Variants in AKAP6 observed in about 807,000 individuals in gnomAD.
The protein encoded by AKAP6 is A-kinase anchor protein 6.
Under a neutral mutation model 188.5 loss-of-function variants are expected in AKAP6, and 58 were observed. The observed-to-expected ratio is 0.31, with a 90% CI of 0.25 to 0.38. The LOEUF (loss-of-function observed/expected upper bound fraction) is 0.38. AKAP6 is among the 10% of genes least tolerant of loss of function. The probability of loss-of-function intolerance (pLI) is 1.00; values close to 1 mark genes in which losing one functional copy is unlikely to be tolerated. For missense variants in AKAP6, 2,710 were observed against 2,740.0 expected (o/e 0.99, Z 0.24); for synonymous variants, 989 against 998.6 (o/e 0.99, Z 0.18).
Position 32,678,303 on chromosome 14 carries a change from C to A in AKAP6, c.2731-8C>A. ...AAAACAGCAATTTCTCTTTGTTTCT[C>A]TTTCCAGGCTGAGGTTCAACTATGC... is the stretch of plus-strand genomic sequence containing the variant. On this transcript the variant is annotated splice_polypyrimidine_tract_variant and splice_region_variant and intron_variant, in intron 7 of 13. Coordinates refer to ENST00000280979, the MANE Select transcript of AKAP6 (RefSeq NM_004274.5). 6.2e-7 allele frequency: 1 copy of A among 1,603,752 alleles called. No individual in the cohort carries two copies. The highest frequency in any genetic ancestry group is 2.2e-5 in the East Asian group (1 of 44,468).
At chr14:32,442,221 T>C (rs890675640) in intron 2 of AKAP6, 2 of 152,220 alleles carry the variant, frequency 1.3e-5, no homozygotes, top group East Asian at 1.9e-4. Flanking sequence ...GTGATCAACT[T>C]GGGAGTCAAA....
At chr14:32,554,398 T>G (rs1006190234) in intron 4 of AKAP6, among the ~76,000 whole-genome samples, 1 of 152,212 alleles carries the variant, frequency 6.6e-6, no homozygotes, top group Non-Finnish European at 1.5e-5. Context: ...TTCATTTAAT[T>G]TATATAACAA....
At chr14:32,613,165 C>T (rs971139720) in intron 7 of AKAP6, among the ~76,000 whole-genome samples, 1 of 152,172 alleles carries the variant, frequency 6.6e-6, no homozygotes, top group African/African-American at 2.4e-5. Context: ...GGAACACAGT[C>T]TCTCTGTTTT....
intron 1 of AKAP6, among the ~76,000 whole-genome samples, chr14:32,372,767 GCTCTGT>G (rs1308999321): frequency 1.6e-5 from 1 of 63,396 alleles, no homozygotes; most frequent in Non-Finnish European, 3.0e-5. Flanking sequence ...TCTTTTTGTT[GCTCTGT>G]GTGTGTGTGT....
chr14:32,504,833 A>G (rs1368950374), intron 2 of AKAP6, among the ~76,000 whole-genome samples: 1 of 152,172 alleles, frequency 6.6e-6, no homozygotes, highest in Non-Finnish European at 1.5e-5. Flanking sequence ...TTACATACCC[A>G]TTAGGGTAGG....
chr14:32,825,827 T>C (rs2034660008), intron 13 of AKAP6, among the ~76,000 whole-genome samples: 1 of 152,130 alleles, frequency 6.6e-6, no homozygotes, highest in Non-Finnish European at 1.5e-5. Context: ...GGAAATGAAT[T>C]ACAGAAGCAA....
At chr14:32,343,842 T>G (rs1246314936) in intron 1 of AKAP6, among the ~76,000 whole-genome samples, 1 of 151,628 alleles carries the variant, frequency 6.6e-6, no homozygotes, top group Non-Finnish European at 1.5e-5. Context: ...TGGCCCATGC[T>G]TCACACCCCA....
chr14:32,740,941 G>C (rs1254289886), intron 11 of AKAP6, among the ~76,000 whole-genome samples: 1 of 151,228 alleles, frequency 6.6e-6, no homozygotes, highest in Non-Finnish European at 1.5e-5. Context: ...TGAATTTGTA[G>C]ATTGCTTTGG....
chr14:32,824,089 G>A lies in AKAP6; in HGVS notation c.6276G>A (p.Glu2092=), dbSNP rs556381618. The change falls in exon 13 of 14, where the codon GAG becomes GAA. Residue 2092 remains glutamate, a synonymous_variant. Coordinates refer to ENST00000280979, the MANE Select transcript of AKAP6 (RefSeq NM_004274.5). The stretch of plus-strand genomic sequence containing the variant: ...CTACTTCATTAACTCAAATCAAGGA[G>A]AAAGTGTTGGAGCATTCTCACCGGC... ...AAPTSLTQIK[E]KVLEHSHRPI... The A allele has an allele frequency of 1.2e-6, 2 of 1,613,892 alleles. No individual in the cohort carries two copies. The highest frequency in any genetic ancestry group is 8.5e-7 in the Non-Finnish European group (1 of 1,179,908).
At chr14:32,715,939 A>T (rs965266810) in intron 9 of AKAP6, among the ~76,000 whole-genome samples, 10 of 151,804 alleles carry the variant, frequency 6.6e-5, no homozygotes, top group African/African-American at 2.4e-4. Flanking sequence ...TTGAACAAAC[A>T]TTTGTATATG....
intron 7 of AKAP6, among the ~76,000 whole-genome samples, chr14:32,622,031 T>C (rs1210356582): frequency 6.6e-6 from 1 of 152,194 alleles, no homozygotes; most frequent in Non-Finnish European, 1.5e-5. Context: ...TCCTGTTTCC[T>C]ATAACTTTTG....
At chr14:32,479,542 G>A (rs1399132079) in intron 2 of AKAP6, among the ~76,000 whole-genome samples, 1 of 151,974 alleles carries the variant, frequency 6.6e-6, no homozygotes, top group African/African-American at 2.4e-5. Context: ...TCATATAGAT[G>A]GGCCTATATA....
At chr14:32,538,794 G>A (rs1289220947) in intron 3 of AKAP6, among the ~76,000 whole-genome samples, 2 of 152,046 alleles carry the variant, frequency 1.3e-5, no homozygotes, top group Non-Finnish European at 2.9e-5. Context: ...AATAGGTTAA[G>A]TGAATACTTC....
At chr14:32,677,818 A>C (rs1889497612) in intron 7 of AKAP6, among the ~76,000 whole-genome samples, 1 of 152,262 alleles carries the variant, frequency 6.6e-6, no homozygotes, top group South Asian at 2.1e-4. Context: ...AACACAGACA[A>C]CCAAAAAATG....
chr14:32,336,926 G>A lies in AKAP6; in HGVS notation c.-35+7518G>A, dbSNP rs183766739. On this transcript the variant is annotated intron_variant, in intron 1 of 13. Coordinates refer to ENST00000280979, the MANE Select transcript of AKAP6 (RefSeq NM_004274.5). ...TTATTCCTATTACATTAGCATAAAA[G>A]TAGCCCATGGAAAACCAAATGACAC... 2.5e-4 allele frequency among the ~76,000 whole-genome samples: 38 copies of A among 152,300 alleles called. No homozygotes were observed. In the East Asian group the frequency reaches 5.8e-3, roughly 23 times the overall value.
At chr14:32,779,976 A>G (rs2033190741) in intron 12 of AKAP6, among the ~76,000 whole-genome samples, 1 of 152,042 alleles carries the variant, frequency 6.6e-6, no homozygotes, top group Non-Finnish European at 1.5e-5. Context: ...GAAAGTGAAA[A>G]TAGAACTACC....
At chr14:32,579,927 A>G (rs1287855316) in intron 5 of AKAP6, among the ~76,000 whole-genome samples, 1 of 152,138 alleles carries the variant, frequency 6.6e-6, no homozygotes, top group African/African-American at 2.4e-5. Context: ...AAGTTTCTTT[A>G]AACATCTCTC....
At position 32,433,725 on chromosome 14, in the gene AKAP6, C is replaced by T. The variant is rs1173841246; in HGVS notation, c.232C>T (p.Arg78Trp). 6 of 1,614,172 alleles carry T rather than the reference C, an allele frequency of 3.7e-6. No individual in the cohort carries two copies. Among genetic ancestry groups the T allele is most frequent in the East Asian group, 4.5e-5 (2 of 44,874 alleles). Residue 78 changes from arginine (R) to tryptophan (W), a missense_variant, in exon 2 of 14, where the codon CGG becomes TGG. Around this residue, in one of 2 missense-constraint regions of AKAP6, gnomAD observed 237 missense variants for 313.9 expected, o/e 0.76. Coordinates refer to ENST00000280979, the MANE Select transcript of AKAP6 (RefSeq NM_004274.5). ...CTTACCTGAAATTGAGACCTGGCTC[C>T]GGATGACCTCAGAGAGGGTCCGAGA... is the stretch of plus-strand genomic sequence containing the variant. ...LHLPEIETWL[R>W]MTSERVRDLT... is the part of the protein sequence containing the mutation.
intron 5 of AKAP6, among the ~76,000 whole-genome samples, chr14:32,597,493 G>T (rs1177885183): frequency 6.6e-6 from 1 of 152,054 alleles, no homozygotes; most frequent in Non-Finnish European, 1.5e-5. Flanking sequence ...CCGTGGCAGT[G>T]GCAAAAAGTA....
Sources: gnomAD v4.1 joint callset for allele counts (sites outside exome capture counted in the v4.1 genomes callset) on GRCh38, gnomAD v4.1.1 for gene constraint, gnomAD v4.1.1 regional missense constraint, MANE v1.5 for transcripts, NCBI Gene and HGNC (gene_info 2026-07-23, HGNC 2026-07-21) for gene names.